Variants in RAB6B observed in about 807,000 individuals in gnomAD.
RAB6B encodes the protein RAB6B, member RAS oncogene family.
RAB6B carries 7 observed loss-of-function variants against 31.2 expected under a neutral mutation model. That is an observed-to-expected ratio of 0.22 (90% CI 0.13 to 0.42). RAB6B has a LOEUF of 0.42. Among genes scored for constraint, RAB6B ranks in the 10% least tolerant of loss-of-function variants. RAB6B has a pLI of 1.00. For missense variants in RAB6B, 149 were observed against 280.6 expected (o/e 0.53, Z 3.35); for synonymous variants, 105 against 104.9 (o/e 1.00, Z -0.01).
chr3:133,860,413 T>TG (rs926611208), intron 2 of RAB6B, among the ~76,000 whole-genome samples: 4 of 152,128 alleles, frequency 2.6e-5, no homozygotes, highest in African/African-American at 9.7e-5. Context: ...CACTGGAAGC[T>TG]GGGGGGATTC....
chr3:133,846,401 C>G (rs182300105), intron 2 of RAB6B, among the ~76,000 whole-genome samples: 1 of 152,146 alleles, frequency 6.6e-6, no homozygotes, highest in Non-Finnish European at 1.5e-5. Flanking sequence ...GAGCTGAGAT[C>G]GCACCACTGC....
At chr3:133,885,295 C>T (rs1462300088) in intron 1 of RAB6B, among the ~76,000 whole-genome samples, 1 of 144,484 alleles carries the variant, frequency 6.9e-6, no homozygotes, top group East Asian at 2.1e-4. Context: ...TACCCAATGA[C>T]CAGAGTATAG....
intron 1 of RAB6B, among the ~76,000 whole-genome samples, chr3:133,889,388 T>TTTTTTATA (rs1277081488): frequency 2.5e-5 from 2 of 80,274 alleles, no homozygotes; most frequent in Non-Finnish European, 5.1e-5. Flanking sequence ...GGTTATTTTG[T>TTTTTTATA]TATATATATA....
chr3:133,832,604 A>G (rs1935670851), intron 7 of RAB6B, among the ~76,000 whole-genome samples: 1 of 152,216 alleles, frequency 6.6e-6, no homozygotes, highest in Admixed American at 6.5e-5. Context: ...AGAAATGCCA[A>G]CACCCCATCC....
intron 2 of RAB6B, among the ~76,000 whole-genome samples, chr3:133,863,946 C>T (rs1203045812): frequency 6.6e-6 from 1 of 152,178 alleles, no homozygotes; most frequent in African/African-American, 2.4e-5. Flanking sequence ...GTTATTAACC[C>T]CCAAGAACTT....
At chr3:133,872,911 G>C (rs1016250303) in intron 1 of RAB6B, among the ~76,000 whole-genome samples, 1 of 152,228 alleles carries the variant, frequency 6.6e-6, no homozygotes, top group African/African-American at 2.4e-5. Context: ...AGAGGGGAGG[G>C]AGGAGTCAAA....
At chr3:133,842,231 T>C (rs1292163398) in intron 2 of RAB6B, among the ~76,000 whole-genome samples, 1 of 152,120 alleles carries the variant, frequency 6.6e-6, no homozygotes, top group African/African-American at 2.4e-5. Context: ...CACTGGCTCT[T>C]TTCTCCCCAA....
intron 7 of RAB6B, 28 bp from the exon 8 acceptor site, chr3:133,828,880 ACT>A: frequency 1.3e-6 from 2 of 1,569,030 alleles, no homozygotes; most frequent in Non-Finnish European, 1.7e-6. Context: ...AAGGAAGATG[ACT>A]CTCCTGGACA....
intron 1 of RAB6B, among the ~76,000 whole-genome samples, chr3:133,886,969 G>A (rs1234413881): frequency 6.6e-6 from 1 of 152,038 alleles, no homozygotes; most frequent in Non-Finnish European, 1.5e-5. Context: ...TTCAGCAGAG[G>A]GGTGGGCTGA....
At chr3:133,893,514 C>T (rs780780089) in intron 1 of RAB6B, among the ~76,000 whole-genome samples, 10 of 152,236 alleles carry the variant, frequency 6.6e-5, no homozygotes, top group Non-Finnish European at 8.8e-5. Flanking sequence ...TCTGAAGGAG[C>T]CCAGATGTTC....
chr3:133,839,681 G>T, intron 4 of RAB6B, 64 bp from the exon 5 acceptor site: 1 of 1,232,666 alleles, frequency 8.1e-7, no homozygotes, highest in Non-Finnish European at 1.2e-6. Flanking sequence ...GATGGGAAGG[G>T]GAGGTGTGAG....
At position 133,827,165 on chromosome 3, in the gene RAB6B, T is replaced by TA. The variant is rs1195031227; in HGVS notation, c.*1622dup. On this transcript the variant is annotated 3_prime_UTR_variant, in exon 8 of 8. Transcript: ENST00000285208. ...CAGTCCTGCCAGATTCTGCTGCACT[T>TA]ACTGCCTGCCATTTCAGATTAATTT... 3 of 152,364 alleles carry TA rather than the reference T, an allele frequency of 2.0e-5. No individual in the cohort carries two copies. The highest frequency in any genetic ancestry group is 4.4e-5 in the Non-Finnish European group (3 of 68,056). The allele number at this position is 152,364 out of a possible 1,614,324, so 9.4% of individuals were successfully genotyped here.
At chr3:133,839,807 C>T (rs180868783) in intron 4 of RAB6B, among the ~76,000 whole-genome samples, 190 bp from the exon 5 acceptor site, 9 of 152,294 alleles carry the variant, frequency 5.9e-5, no homozygotes, top group East Asian at 1.9e-4. Flanking sequence ...CCCTGCCCTG[C>T]GGCCCTGGGG....
chr3:133,827,744 A>ACCCCCCCCCCCC lies in RAB6B; in HGVS notation c.*1043_*1044insGGGGGGGGGGGG, dbSNP rs1491168141. Reference sequence around the variant, plus strand: ...TTTCAAGGTGGTGGTTCTGCAGACAACACCCCCCCCCCCCCCCGCCTCCCC... The same window carrying ACCCCCCCCCCCC: ...TTTCAAGGTGGTGGTTCTGCAGACAACCCCCCCCCCCCCACCCCCCCCCCCCCCCGCCTCCCC... On this transcript the variant is annotated 3_prime_UTR_variant, in exon 8 of 8. Transcript: ENST00000285208. 1 of 124,160 alleles carries ACCCCCCCCCCCC rather than the reference A, an allele frequency of 8.1e-6. No individual in the cohort carries two copies. The highest frequency in any genetic ancestry group is 9.1e-5 in the Admixed American group (1 of 11,016). The allele number at this position is 124,160 out of a possible 1,614,324, so 7.7% of individuals were successfully genotyped here. A position where few individuals can be genotyped will look rare whatever the true frequency, so the allele number is the denominator to read the frequency against.
intron 2 of RAB6B, among the ~76,000 whole-genome samples, chr3:133,854,365 A>G (rs1303017147): frequency 6.6e-6 from 1 of 152,196 alleles, no homozygotes; most frequent in Non-Finnish European, 1.5e-5. Flanking sequence ...ACTATTTTAC[A>G]GGGATGTAAA....
intron 1 of RAB6B, 102 bp from the exon 2 acceptor site, chr3:133,864,744 G>A: frequency 1.7e-6 from 2 of 1,169,606 alleles, no homozygotes; most frequent in South Asian, 1.2e-5. Flanking sequence ...AAAAAGCACA[G>A]GGGAAAGGCC....
chr3:133,843,352 T>C (rs764355306), intron 2 of RAB6B, among the ~76,000 whole-genome samples: 1 of 152,244 alleles, frequency 6.6e-6, no homozygotes, highest in Non-Finnish European at 1.5e-5. Flanking sequence ...CAGCTTCGCA[T>C]AGTGTAGCCA....
rs529100075 is a variant in RAB6B, at chr3:133,840,702, G to A, written c.289+583C>T. Among the ~76,000 whole-genome samples the A allele has an allele frequency of 6.6e-5, 10 of 152,154 alleles. No homozygotes were observed. In the East Asian group the frequency reaches 1.7e-3, roughly 26 times the overall value. On this transcript the variant is annotated intron_variant, in intron 4 of 7. Coordinates refer to ENST00000285208, the MANE Select transcript of RAB6B (RefSeq NM_016577.4). The stretch of plus-strand genomic sequence containing the variant: ...GCCTTGCAGGTCTGGCCTCTGCCTC[G>A]GCCCCCCACCCCCACCTCTGGCCCT...
chr3:133,833,641 G>A (rs562339470), intron 7 of RAB6B, among the ~76,000 whole-genome samples: 5 of 152,298 alleles, frequency 3.3e-5, no homozygotes, highest in African/African-American at 9.6e-5. Flanking sequence ...GCCCAAAGGT[G>A]CCCTTCCATC....
Sources: gnomAD v4.1 joint callset for allele counts (sites outside exome capture counted in the v4.1 genomes callset) on GRCh38, gnomAD v4.1.1 for gene constraint, MANE v1.5 for transcripts, NCBI Gene and HGNC (gene_info 2026-07-23, HGNC 2026-07-21) for gene names.